The following WWTR1 variants were observed in gnomAD, a reference collection of about 807,000 sequenced individuals.
WWTR1 encodes the protein WW domain-containing transcription regulator protein 1.
WWTR1 carries 13 observed loss-of-function variants against 40.1 expected under a neutral mutation model. The observed-to-expected ratio is 0.32, with a 90% CI of 0.21 to 0.52. The LOEUF is 0.52. Among genes scored for constraint, WWTR1 ranks in the 20% least tolerant of loss-of-function variants. WWTR1 has a pLI of 0.97. For missense variants in WWTR1, 436 were observed against 523.1 expected (o/e 0.83, Z 1.63); for synonymous variants, 230 against 210.1 (o/e 1.09, Z -0.82).
At chr3:149,681,662 G>C (rs537982089) in intron 1 of WWTR1, among the ~76,000 whole-genome samples, 2 of 152,110 alleles carry the variant, frequency 1.3e-5, no homozygotes, top group Non-Finnish European at 2.9e-5. Flanking sequence ...CCAAGATGTG[G>C]AAACAATTTA....
intron 3 of WWTR1, among the ~76,000 whole-genome samples, chr3:149,550,232 C>T (rs1736553860): frequency 6.6e-6 from 1 of 152,078 alleles, no homozygotes; most frequent in African/African-American, 2.4e-5. Context: ...AAAATCTGGT[C>T]TATAATGTGT....
At chr3:149,664,258 G>C (rs1713711155) in intron 2 of WWTR1, among the ~76,000 whole-genome samples, 1 of 152,218 alleles carries the variant, frequency 6.6e-6, no homozygotes, top group South Asian at 2.1e-4. Flanking sequence ...GAGCAAAACA[G>C]ACAAGGACCT....
At chr3:149,694,935 T>C (rs1714936341) in intron 1 of WWTR1, among the ~76,000 whole-genome samples, 1 of 152,142 alleles carries the variant, frequency 6.6e-6, no homozygotes, top group Non-Finnish European at 1.5e-5. Flanking sequence ...GATGAATGGA[T>C]AGAGAAAATA....
rs1560106326 is a variant in WWTR1, at chr3:149,656,764, T to TCTCTCTCTC, written c.431+111_431+112insGAGAGAGAG. On this transcript the variant is annotated intron_variant, in intron 2 of 6. Coordinates refer to ENST00000360632, the MANE Select transcript of WWTR1 (RefSeq NM_015472.6). ...GGAAGGACACGCACCATCTCTCTCT[T>TCTCTCTCTC]TCTCTCTCTCTCTCTCTCTCTCTCT... The TCTCTCTCTC allele has an allele frequency of 3.0e-5, 14 of 468,684 alleles. No homozygotes were observed. In the African/African-American group the frequency reaches 4.6e-4, roughly 15 times the overall value. The allele number at this position is 468,684 out of a possible 1,614,324, so 29.0% of individuals were successfully genotyped here.
Position 149,520,877 on chromosome 3 carries a change from T to C in WWTR1, c.1131A>G (p.Glu377=), listed in dbSNP as rs1735009359. 2.5e-6 allele frequency: 4 copies of C among 1,613,610 alleles called. No individual in the cohort carries two copies. The change falls in exon 7 of 7, where the codon GAA becomes GAG. Residue 377 remains glutamate, a synonymous_variant. Transcript: ENST00000360632. The part of the protein sequence containing the change: ...TNVDLGTLES[E]DLIPLFNDVE... ...CATCATTGAAGAGGGGGATCAGGTC[T>C]TCAGATTCCAAAGTTCCTAAGTCAA...
intron 3 of WWTR1, among the ~76,000 whole-genome samples, chr3:149,559,892 G>A (rs561384320): frequency 2.0e-5 from 3 of 152,292 alleles, no homozygotes; most frequent in East Asian, 1.9e-4. Flanking sequence ...AACATAGACA[G>A]CCTAGGAAGA....
intron 2 of WWTR1, among the ~76,000 whole-genome samples, chr3:149,591,977 G>A (rs183290537): frequency 6.6e-6 from 1 of 152,226 alleles, no homozygotes; most frequent in African/African-American, 2.4e-5. Flanking sequence ...AACTGCATCT[G>A]GTATTTCCAC....
intron 2 of WWTR1, among the ~76,000 whole-genome samples, chr3:149,601,370 G>A (rs1739234443): frequency 1.3e-5 from 2 of 152,142 alleles, no homozygotes; most frequent in South Asian, 2.1e-4. Context: ...GCTAATTATT[G>A]TATTTTTAGT....
intron 3 of WWTR1, among the ~76,000 whole-genome samples, chr3:149,571,024 G>A (rs1361440103): frequency 3.9e-5 from 6 of 152,040 alleles, no homozygotes; most frequent in Middle Eastern, 3.2e-3. Flanking sequence ...TTAAAAGAAT[G>A]AAGCAGCTCT....
rs73868044 is a variant in WWTR1, at chr3:149,622,347, T to C, written c.431+34529A>G. On this transcript the variant is annotated intron_variant, in intron 2 of 6. Coordinates refer to ENST00000360632, the MANE Select transcript of WWTR1 (RefSeq NM_015472.6). ...ATGACCAATTGTCAAAGTAATTTAT[T>C]AGAGACATTAAATTTATACCAATAA... Among the ~76,000 whole-genome samples, 193 of 152,106 alleles carry C rather than the reference T, an allele frequency of 1.3e-3. 1 individual carries two copies. The highest frequency in any genetic ancestry group is 4.4e-3 in the African/African-American group (181 of 41,444).
intron 4 of WWTR1, among the ~76,000 whole-genome samples, chr3:149,539,564 G>A (rs940864694): frequency 3.3e-5 from 5 of 152,024 alleles, no homozygotes; most frequent in African/African-American, 1.2e-4. Context: ...GGGATATTCA[G>A]GCAGTTGTTG....
intron 1 of WWTR1, among the ~76,000 whole-genome samples, chr3:149,700,305 T>C (rs1040093692): frequency 6.6e-6 from 1 of 151,782 alleles, no homozygotes; most frequent in Non-Finnish European, 1.5e-5. Flanking sequence ...CTATCCCTAA[T>C]TAAAGAAAAA....
intron 2 of WWTR1, among the ~76,000 whole-genome samples, chr3:149,640,144 A>G (rs1712081555): frequency 1.3e-5 from 2 of 152,182 alleles, no homozygotes; most frequent in African/African-American, 4.8e-5. Context: ...TACTTTTCTT[A>G]CAAAATCTCT....
intron 2 of WWTR1, among the ~76,000 whole-genome samples, chr3:149,581,939 C>T (rs1738168180): frequency 6.6e-6 from 1 of 152,146 alleles, no homozygotes; most frequent in African/African-American, 2.4e-5. Flanking sequence ...CTGTCAGCCC[C>T]AAAGAGCAGA....
chr3:149,557,227 C>T (rs776539737), intron 3 of WWTR1, among the ~76,000 whole-genome samples: 19 of 152,050 alleles, frequency 1.2e-4, no homozygotes, highest in Admixed American at 3.9e-4. Context: ...CCCACCACCA[C>T]GCCCAGCTAA....
intron 1 of WWTR1, among the ~76,000 whole-genome samples, chr3:149,671,701 T>A (rs568365956): frequency 6.6e-5 from 10 of 152,318 alleles, no homozygotes; most frequent in Non-Finnish European, 1.3e-4. Context: ...ACAAATGAGC[T>A]CTTTTTTAAC....
intron 4 of WWTR1, among the ~76,000 whole-genome samples, chr3:149,719,891 G>A (rs532917254): frequency 2.0e-5 from 3 of 152,264 alleles, no homozygotes; most frequent in African/African-American, 7.2e-5. Context: ...TGCATGTGCT[G>A]ATTGGCCATT....
chr3:149,622,208 A>T (rs1259103211), intron 2 of WWTR1, among the ~76,000 whole-genome samples: 1 of 152,070 alleles, frequency 6.6e-6, no homozygotes, highest in African/African-American at 2.4e-5. Flanking sequence ...TTCAGGTATA[A>T]CCTTAAAGCA....
intron 3 of WWTR1, among the ~76,000 whole-genome samples, chr3:149,565,391 A>G (rs185281614): frequency 4.1e-4 from 63 of 151,892 alleles, no homozygotes; most frequent in Non-Finnish European, 7.2e-4. Flanking sequence ...TTTCTACCTA[A>G]ATTTCTAAAT....
Sources: gnomAD v4.1 joint callset for allele counts (sites outside exome capture counted in the v4.1 genomes callset) on GRCh38, gnomAD v4.1.1 for gene constraint, MANE v1.5 for transcripts, NCBI Gene and HGNC (gene_info 2026-07-23, HGNC 2026-07-21) for gene names.